SMCO4: variants seen among roughly 807,000 people sequenced by gnomAD.
The protein encoded by SMCO4 is single-pass membrane and coiled-coil domain-containing protein 4.
In SMCO4, 4 loss-of-function variants were observed where a neutral mutation model predicts 3.6. The ratio of observed to expected loss-of-function variants is 1.11; its 90% confidence interval spans 0.54 to 2.53. The LOEUF is 2.53. Among genes scored for constraint, SMCO4 ranks in the 30% most tolerant of loss-of-function variants. SMCO4 has a pLI of 0.02. For missense variants in SMCO4, 70 were observed against 80.8 expected (o/e 0.87, Z 0.51); for synonymous variants, 36 against 35.3 (o/e 1.02, Z -0.07).
rs141137035 is a variant in SMCO4 at position 93,539,696 on chromosome 11, G to C, written c.-154+3580C>G. Among the ~76,000 whole-genome samples, 432 of 152,218 alleles carry C rather than the reference G, an allele frequency of 2.8e-3. 4 individuals carry two copies. The highest frequency in any genetic ancestry group is 1.0e-2 in the African/African-American group (415 of 41,534). ...TTTACTATGGAAACTCATTTGTGATGCCACCACAACCAGTCAAAATCTGCC... is the reference window on the plus strand; with the variant it reads ...TTTACTATGGAAACTCATTTGTGATCCCACCACAACCAGTCAAAATCTGCC... On this transcript the variant is annotated intron_variant, in intron 1 of 2. Coordinates refer to ENST00000298966, the MANE Select transcript of SMCO4 (RefSeq NM_020179.3).
intron 2 of SMCO4, among the ~76,000 whole-genome samples, chr11:93,485,848 A>C (rs1048062232): frequency 6.6e-6 from 1 of 152,216 alleles, no homozygotes; most frequent in Non-Finnish European, 1.5e-5. Flanking sequence ...ACAATCATAC[A>C]AGATTGGTAT....
intron 1 of SMCO4, among the ~76,000 whole-genome samples, chr11:93,510,577 C>T (rs1418786113): frequency 1.3e-5 from 2 of 152,106 alleles, no homozygotes; most frequent in Non-Finnish European, 2.9e-5. Context: ...GCTGTTACCA[C>T]CCACCCCCAA....
At chr11:93,500,066 T>C (rs1186879237) in intron 1 of SMCO4, among the ~76,000 whole-genome samples, 1 of 152,240 alleles carries the variant, frequency 6.6e-6, no homozygotes. Flanking sequence ...AAAGTGTCCA[T>C]AACAAGCAAG....
chr11:93,541,851 C>T (rs1949273690), intron 1 of SMCO4, among the ~76,000 whole-genome samples: 1 of 152,094 alleles, frequency 6.6e-6, no homozygotes, highest in Admixed American at 6.5e-5. Context: ...TCCAGCCTTA[C>T]AAGAAAAAAG....
In SMCO4 at chr11:93,520,510, C is replaced by T. The variant is rs550321844; in HGVS notation, c.-153-21162G>A. Among the ~76,000 whole-genome samples, 9 of 152,268 alleles carry T rather than the reference C, an allele frequency of 5.9e-5. No individual in the cohort carries two copies. The South Asian group carries it at 1.9e-3, about 32-fold the overall frequency. On this transcript the variant is annotated intron_variant, in intron 1 of 2. Transcript: ENST00000298966. Reference sequence around the variant, plus strand: ...CACAGGCAGGACAGGAACCTAAATCCAGCTAAAAGTTTCTGCTCTTGACCA... The same window carrying T: ...CACAGGCAGGACAGGAACCTAAATCTAGCTAAAAGTTTCTGCTCTTGACCA...
At chr11:93,496,663 A>G (rs950310113) in intron 2 of SMCO4, among the ~76,000 whole-genome samples, 2 of 152,180 alleles carry the variant, frequency 1.3e-5, no homozygotes, top group African/African-American at 2.4e-5. Flanking sequence ...GAGCACCTGG[A>G]ACCCCACTCA....
At chr11:93,519,581 T>C (rs536652496) in intron 1 of SMCO4, among the ~76,000 whole-genome samples, 1 of 152,326 alleles carries the variant, frequency 6.6e-6, no homozygotes, top group South Asian at 2.1e-4. Flanking sequence ...CTAACAAAGA[T>C]GCATGTGCAA....
rs201902947 is a variant in SMCO4, at chr11:93,514,419, T to TAA, written c.-153-15072_-153-15071insTT. Among the ~76,000 whole-genome samples the TAA allele has an allele frequency of 8.2e-4, 35 of 42,566 alleles. 1 individual carries two copies. Among genetic ancestry groups the TAA allele is most frequent in the African/African-American group, 2.2e-3 (30 of 13,620 alleles). The allele number at this position is 42,566 out of a possible 152,430, so 27.9% of individuals were successfully genotyped here. ...ATATATATATATATATATATATATA[T>TAA]ATAAAATTTGGTCTCTTCCAAAGAT... On this transcript the variant is annotated intron_variant, in intron 1 of 2. Transcript: ENST00000298966.
chr11:93,514,064 C>T (rs1355898623), intron 1 of SMCO4, among the ~76,000 whole-genome samples: 1 of 152,200 alleles, frequency 6.6e-6, no homozygotes, highest in Non-Finnish European at 1.5e-5. Flanking sequence ...TGCATGCTGC[C>T]TGTCGTAGGT....
upstream of SMCO4, among the ~76,000 whole-genome samples, chr11:93,547,483 C>G (rs140076270): frequency 5.5e-4 from 83 of 152,276 alleles, no homozygotes; most frequent in African/African-American, 1.9e-3. Context: ...GCTTTCATGA[C>G]ACTCCTTGTT....
intron 2 of SMCO4, among the ~76,000 whole-genome samples, chr11:93,487,792 T>G (rs1444846219): frequency 6.6e-6 from 1 of 152,236 alleles, no homozygotes; most frequent in African/African-American, 2.4e-5. Context: ...TAAGTGCATG[T>G]CAGGGTTTCA....
At chr11:93,522,444 A>G (rs138904891) in intron 1 of SMCO4, among the ~76,000 whole-genome samples, 4 of 152,346 alleles carry the variant, frequency 2.6e-5, no homozygotes, top group African/African-American at 9.6e-5. Flanking sequence ...GTCATGTGGC[A>G]CGACCAGTTT....
chr11:93,508,211 C>T (rs150260703), intron 1 of SMCO4, among the ~76,000 whole-genome samples: 91 of 152,114 alleles, frequency 6.0e-4, no homozygotes, highest in African/African-American at 1.9e-3. Flanking sequence ...AGTGTCGTAG[C>T]GGGCAGGTGA....
chr11:93,491,129 C>G (rs1164276251), intron 2 of SMCO4, among the ~76,000 whole-genome samples: 1 of 152,202 alleles, frequency 6.6e-6, no homozygotes, highest in Non-Finnish European at 1.5e-5. Context: ...TTTAAAACAG[C>G]AGGTACTAAA....
rs79443137 is a variant in SMCO4 at position 93,482,083 on chromosome 11, G to A, written c.-80-2814C>T. On this transcript the variant is annotated intron_variant, in intron 2 of 2. Transcript: ENST00000298966. ...GCCTCAAGCTGCTGGGGCCAGGGCC[G>A]GTCTGGTCAGGATTTAAAGGGCAAA... is the stretch of plus-strand genomic sequence containing the variant. Among the ~76,000 whole-genome samples, 608 of 152,372 alleles carry A rather than the reference G, an allele frequency of 4.0e-3. 29 individuals carry two copies. In the East Asian group the frequency reaches 0.097, roughly 24 times the overall value.
chr11:93,482,547 T>C (rs1279449771), intron 2 of SMCO4, among the ~76,000 whole-genome samples: 4 of 152,058 alleles, frequency 2.6e-5, no homozygotes, highest in Admixed American at 2.6e-4. Flanking sequence ...CCCTGACAGC[T>C]ACAGGGCAGG....
intron 1 of SMCO4, among the ~76,000 whole-genome samples, chr11:93,520,647 C>T (rs1238970209): frequency 6.6e-6 from 1 of 152,216 alleles, no homozygotes; most frequent in Admixed American, 6.5e-5. Flanking sequence ...TTCACATATA[C>T]TACCTTTTCC....
chr11:93,488,519 G>A (rs1344464134), intron 2 of SMCO4, among the ~76,000 whole-genome samples: 2 of 152,148 alleles, frequency 1.3e-5, no homozygotes, highest in East Asian at 3.9e-4. Context: ...GAAGGCAGAG[G>A]CATACAATTT....
At chr11:93,547,813 C>T (rs1431757719), upstream of SMCO4, among the ~76,000 whole-genome samples, 1 of 152,140 alleles carries the variant, frequency 6.6e-6, no homozygotes, top group Non-Finnish European at 1.5e-5. Flanking sequence ...TCTGCTGGGT[C>T]CCTTTGTGAT....
Sources: gnomAD v4.1 joint callset for allele counts (sites outside exome capture counted in the v4.1 genomes callset) on GRCh38, gnomAD v4.1.1 for gene constraint, MANE v1.5 for transcripts, NCBI Gene and HGNC (gene_info 2026-07-23, HGNC 2026-07-21) for gene names.